The following MTA1 variants were observed in gnomAD, a reference collection of about 807,000 sequenced individuals.
MTA1 encodes the protein metastasis-associated protein MTA1.
A neutral mutation model predicts 97.0 loss-of-function variants in MTA1; 15 were observed. That is an observed-to-expected ratio of 0.15 (90% CI 0.10 to 0.24). The LOEUF (loss-of-function observed/expected upper bound fraction) is 0.24. Ranked by LOEUF, MTA1 falls within the 10% of genes least tolerant of loss-of-function variation. The probability of loss-of-function intolerance (pLI) is 1.00; values close to 1 mark genes in which losing one functional copy is unlikely to be tolerated. For synonymous variants in MTA1, 435 were observed against 417.5 expected, an observed-to-expected ratio of 1.04 and a Z score of -0.51; for missense variants, 709 against 1,015.1, an observed-to-expected ratio of 0.70 and a Z score of 4.10.
intron 1 of MTA1, among the ~76,000 whole-genome samples, chr14:105,434,681 A>G (rs1384908129): frequency 1.3e-5 from 2 of 151,904 alleles, no homozygotes; most frequent in African/African-American, 2.4e-5. Flanking sequence ...TTGTATTTTT[A>G]GTGGAGATGG....
At position 105,420,145 on chromosome 14, in the gene MTA1, TGCCCCGCAG is replaced by T. The variant is rs1291187237; in HGVS notation, c.28+90_28+98del. 4.5e-6 allele frequency: 3 copies of T among 673,870 alleles called. No individual in the cohort carries two copies. Among genetic ancestry groups the T allele is most frequent in the East Asian group, 1.4e-4 (1 of 7,204 alleles). The allele number at this position is 673,870 out of a possible 1,614,324, so 41.7% of individuals were successfully genotyped here. A position where few individuals can be genotyped will look rare whatever the true frequency, so the allele number is the denominator to read the frequency against. Reference sequence around the variant, plus strand: ...GCCGCTGCCGCCTCCCCCGCCCCTCTGCCCCGCAGGCCCCGCGCCCCCCGCCCGCCCTCG... The same window carrying T: ...GCCGCTGCCGCCTCCCCCGCCCCTCTGCCCCGCGCCCCCCGCCCGCCCTCG... On this transcript the variant is annotated intron_variant, in intron 1 of 20. Coordinates refer to ENST00000331320, the MANE Select transcript of MTA1 (RefSeq NM_004689.4). The surrounding 1 kb of genome is among the most constrained non-coding windows in gnomAD (Gnocchi z 5.3).
At chr14:105,432,954 C>A (rs1487605513) in intron 1 of MTA1, among the ~76,000 whole-genome samples, 3 of 152,152 alleles carry the variant, frequency 2.0e-5, no homozygotes, top group Non-Finnish European at 4.4e-5. Context: ...TAGGGAGCTC[C>A]CGCCTGAGCT....
intron 1 of MTA1, among the ~76,000 whole-genome samples, chr14:105,437,535 G>T (rs1394305840): frequency 6.6e-6 from 1 of 152,226 alleles, no homozygotes; most frequent in African/African-American, 2.4e-5. Context: ...AGGGGCATGA[G>T]CCTGCAGGTG....
At chr14:105,467,021 G>A (rs2083621557) in intron 18 of MTA1, 4 of 549,152 alleles carry the variant, frequency 7.3e-6, no homozygotes, top group Admixed American at 6.8e-5. Flanking sequence ...TGCGCTGTCT[G>A]CCATCGCGCT....
intron 15 of MTA1, 56 bp from the exon 16 acceptor site, chr14:105,465,038 G>A: frequency 6.9e-7 from 1 of 1,456,004 alleles, no homozygotes. Context: ...GGCGCAGGCA[G>A]GGTCCCGTGC....
At chr14:105,430,686 G>A (rs1279500080) in intron 1 of MTA1, among the ~76,000 whole-genome samples, 3 of 151,390 alleles carry the variant, frequency 2.0e-5, no homozygotes, top group Non-Finnish European at 2.9e-5. Context: ...GAAATAATTG[G>A]CATCTAAACC....
At chr14:105,425,387 C>T (rs1390582547) in intron 1 of MTA1, among the ~76,000 whole-genome samples, 1 of 152,174 alleles carries the variant, frequency 6.6e-6, no homozygotes, top group Non-Finnish European at 1.5e-5. Context: ...GCGATCCTCC[C>T]ATCTCAGCTT....
Position 105,464,020 on chromosome 14 carries a change from T to C in MTA1, c.1077-12T>C, listed in dbSNP as rs1555431711. 2 of 1,611,974 alleles carry C rather than the reference T, an allele frequency of 1.2e-6. No individual in the cohort carries two copies. The highest frequency in any genetic ancestry group is 3.3e-5 in the Admixed American group (2 of 59,944). On this transcript the variant is annotated splice_polypyrimidine_tract_variant and intron_variant, in intron 12 of 20. Coordinates refer to ENST00000331320, the MANE Select transcript of MTA1 (RefSeq NM_004689.4). The stretch of plus-strand genomic sequence containing the variant: ...CCTGCAACTCCTCTCGTCTCTCCTT[T>C]CCCTCTTTAAGTAACAAGCCAAATC...
chr14:105,458,455 G>A (rs587703929), intron 8 of MTA1, 83 bp downstream of exon 8: 91 of 1,222,370 alleles, frequency 7.4e-5, no homozygotes, highest in Middle Eastern at 1.9e-4. Flanking sequence ...TGTTGGGGAC[G>A]TGACAGTCTT....
chr14:105,436,035 G>A (rs1555424312), intron 1 of MTA1, among the ~76,000 whole-genome samples: 2 of 152,164 alleles, frequency 1.3e-5, no homozygotes, highest in African/African-American at 4.8e-5. Context: ...TTGGGAGACT[G>A]AGGCAGGTGG....
chr14:105,469,450 C>G lies in MTA1; in HGVS notation c.1814-17C>G, dbSNP rs782143995. 6.2e-6 allele frequency: 10 copies of G among 1,612,834 alleles called. No individual in the cohort carries two copies. The East Asian group carries it at 2.2e-4, about 36-fold the overall frequency. On this transcript the variant is annotated splice_polypyrimidine_tract_variant and intron_variant, in intron 18 of 20. Coordinates refer to ENST00000331320, the MANE Select transcript of MTA1 (RefSeq NM_004689.4). The stretch of plus-strand genomic sequence containing the variant: ...CGCTCTCTCGGGGCCTCATTTCTCT[C>G]CTCCATTTCTCATCAGGTCTGGCAA...
At chr14:105,456,496 C>T (rs1673923112) in intron 7 of MTA1, among the ~76,000 whole-genome samples, 1 of 152,204 alleles carries the variant, frequency 6.6e-6, no homozygotes. Context: ...CCCTGCCGTT[C>T]CTTGGCTTTT....
intron 18 of MTA1, 153 bp downstream of exon 18, chr14:105,466,895 G>T (rs986974186): frequency 1.3e-6 from 1 of 751,910 alleles, no homozygotes. Context: ...CATTCCTCCC[G>T]ACATCACTGG....
In MTA1 at chr14:105,462,206, C is replaced by T. The variant is rs1555431217; in HGVS notation, c.943-978C>T. On this transcript the variant is annotated intron_variant, in intron 10 of 20. Coordinates refer to ENST00000331320, the MANE Select transcript of MTA1 (RefSeq NM_004689.4). ...TGTCGAGGGAGCAGGCCCCGCTCTC[C>T]TTCCTGCCAGATGCAGTGGACCAGA... Among the ~76,000 whole-genome samples, 3 of 39,072 alleles carry T rather than the reference C, an allele frequency of 7.7e-5. No homozygotes were observed. In the East Asian group the frequency reaches 2.5e-3, roughly 33 times the overall value. 25.6% of individuals were successfully genotyped at this position (39,072 alleles called of 152,430 possible). A position where few individuals can be genotyped will look rare whatever the true frequency, so the allele number is the denominator to read the frequency against.
chr14:105,470,495 C>T lies in MTA1; in HGVS notation c.*280C>T, dbSNP rs1243864045. ...GCCCCTGTGCTGCGGGGCCTTTTGC[C>T]CGGAGGCCGGGCCCTAAGGTTTTGT... On this transcript the variant is annotated 3_prime_UTR_variant, in exon 21 of 21. Coordinates refer to ENST00000331320, the MANE Select transcript of MTA1 (RefSeq NM_004689.4). The T allele has an allele frequency of 3.6e-5, 14 of 388,066 alleles. No individual in the cohort carries two copies. The highest frequency in any genetic ancestry group is 6.9e-4 in the Middle Eastern group (1 of 1,458). 24.0% of individuals were successfully genotyped at this position (388,066 alleles called of 1,614,324 possible).
rs1437448617 is a variant in MTA1 at position 105,466,315 on chromosome 14, G to A, written c.1625-111G>A. ...ATGGGGCCTCGGGTGGGGGCCGCAT[G>A]GGGCTTAGTTCCTGGGGGTATCCCG... On this transcript the variant is annotated intron_variant, in intron 16 of 20. Transcript: ENST00000331320. 3.7e-5 allele frequency: 37 copies of A among 994,178 alleles called. No homozygotes were observed. In the East Asian group the frequency reaches 3.9e-4, roughly 11 times the overall value. The allele number at this position is 994,178 out of a possible 1,614,324, so 61.6% of individuals were successfully genotyped here. A position where few individuals can be genotyped will look rare whatever the true frequency, so the allele number is the denominator to read the frequency against.
At chr14:105,432,426 A>G (rs1555423555) in intron 1 of MTA1, among the ~76,000 whole-genome samples, 1 of 151,966 alleles carries the variant, frequency 6.6e-6, no homozygotes, top group Non-Finnish European at 1.5e-5. Context: ...TTTTTAGTGG[A>G]GATGAGGTTT....
At position 105,470,323 on chromosome 14, in the gene MTA1, C is replaced by T; in HGVS notation, c.*108C>T. On this transcript the variant is annotated 3_prime_UTR_variant, in exon 21 of 21. Transcript: ENST00000331320. ...GTTTGGTAGTGCCCCACCTCCCGCCCTCACCTGCAGAGAAACGCGCTCCTT... is the reference window on the plus strand; with the variant it reads ...GTTTGGTAGTGCCCCACCTCCCGCCTTCACCTGCAGAGAAACGCGCTCCTT... The T allele has an allele frequency of 3.1e-6, 3 of 973,306 alleles. No homozygotes were observed. The allele number at this position is 973,306 out of a possible 1,614,324, so 60.3% of individuals were successfully genotyped here.
intron 18 of MTA1, chr14:105,467,833 C>T (rs1427795701): frequency 8.0e-6 from 2 of 249,586 alleles, no homozygotes; most frequent in Non-Finnish European, 1.6e-5. Context: ...AGGAGGGAGT[C>T]CTTGTCAGCA....
Sources: allele counts gnomAD v4.1 joint callset (sites outside exome capture counted in the v4.1 genomes callset), GRCh38; gene constraint gnomAD v4.1.1; non-coding constraint Gnocchi (gnomAD v3.1); transcripts MANE v1.5; gene names NCBI Gene and HGNC (gene_info 2026-07-23, HGNC 2026-07-21).